MAN1A2: variants seen among roughly 807,000 people sequenced by gnomAD.
MAN1A2 encodes mannosyl-oligosaccharide 1,2-alpha-mannosidase IB.
Under a neutral mutation model 75.7 loss-of-function variants are expected in MAN1A2, and 26 were observed. The observed-to-expected ratio is 0.34, with a 90% CI of 0.25 to 0.48. The LOEUF is 0.48. MAN1A2 is among the 20% of genes least tolerant of loss of function. The probability of loss-of-function intolerance (pLI) is 0.99; values close to 1 mark genes in which losing one functional copy is unlikely to be tolerated. For synonymous variants in MAN1A2, 247 were observed against 264.6 expected (o/e 0.93, Z 0.65); for missense variants, 562 against 775.5 (o/e 0.72, Z 3.27).
chr1:117,463,518 TACAC>T (rs10560421), intron 7 of MAN1A2, among the ~76,000 whole-genome samples: 7 of 150,240 alleles, frequency 4.7e-5, no homozygotes, highest in Non-Finnish European at 5.9e-5. Context: ...AACACACACA[TACAC>T]ACACACACAC....
intron 5 of MAN1A2, among the ~76,000 whole-genome samples, chr1:117,429,801 C>CG (rs1648541064): frequency 1.2e-5 from 1 of 86,510 alleles, no homozygotes; most frequent in Non-Finnish European, 2.4e-5. Context: ...GCTGGCCGGG[C>CG]GGGGGGCCGA....
intron 6 of MAN1A2, among the ~76,000 whole-genome samples, chr1:117,458,523 A>ATTTTTTT (rs5777311): frequency 1.1e-4 from 12 of 105,612 alleles, no homozygotes; most frequent in African/African-American, 2.8e-4. Flanking sequence ...ATATATATAT[A>ATTTTTTT]TTTTTTTTTT....
At chr1:117,391,511 T>C (rs773553935) in intron 1 of MAN1A2, among the ~76,000 whole-genome samples, 1 of 152,222 alleles carries the variant, frequency 6.6e-6, no homozygotes, top group Non-Finnish European at 1.5e-5. Flanking sequence ...TCTTGACATA[T>C]TGACCTCATT....
chr1:117,528,461 A>T lies in MAN1A2; in HGVS notation c.*5504A>T, dbSNP rs938744286. On this transcript the variant is annotated 3_prime_UTR_variant, in exon 13 of 13. Transcript: ENST00000356554. ...GGATCAAACACACACACCTATACAC[A>T]TACATATTAATATGCAGAGGATTTT... The T allele has an allele frequency of 4.6e-5, 7 of 152,098 alleles. No individual in the cohort carries two copies. Among genetic ancestry groups the T allele is most frequent in the Non-Finnish European group, 1.0e-4 (7 of 67,990 alleles). The allele number at this position is 152,098 out of a possible 1,614,324, so 9.4% of individuals were successfully genotyped here.
chr1:117,488,820 T>C (rs892327413), intron 8 of MAN1A2, among the ~76,000 whole-genome samples: 2 of 152,154 alleles, frequency 1.3e-5, no homozygotes, highest in African/African-American at 4.8e-5. Flanking sequence ...CATTTATTAC[T>C]TTCTACAACG....
Position 117,420,602 on chromosome 1 carries a change from C to T in MAN1A2, c.808C>T (p.Arg270Ter). Residue 270 changes from arginine (R) to a stop codon, truncating the protein, a stop_gained, in exon 5 of 13, where the codon CGA becomes TGA. Transcript: ENST00000356554. LOFTEE classifies it high-confidence loss of function. ...SEVSVFEVNI[R>*]FIGGLLAAYY... is the part of the protein sequence containing the mutation. ...GGTGTCTGTGTTTGAAGTCAACATT[C>T]GATTTATTGGAGGCCTACTTGCAGC... 3 of 1,612,712 alleles carry T rather than the reference C, an allele frequency of 1.9e-6. No individual in the cohort carries two copies. The highest frequency in any genetic ancestry group is 2.5e-6 in the Non-Finnish European group (3 of 1,179,124).
rs2101039951 is a variant in MAN1A2 at position 117,527,719 on chromosome 1, C to A, written c.*4762C>A. The A allele has an allele frequency of 6.6e-6, 1 of 152,000 alleles. No individual in the cohort carries two copies. The highest frequency in any genetic ancestry group is 1.9e-4 in the East Asian group (1 of 5,186). 9.4% of individuals were successfully genotyped at this position (152,000 alleles called of 1,614,324 possible). On this transcript the variant is annotated 3_prime_UTR_variant, in exon 13 of 13. Coordinates refer to ENST00000356554, the MANE Select transcript of MAN1A2 (RefSeq NM_006699.5). The stretch of plus-strand genomic sequence containing the variant: ...GTCAAAATAATATACTCTCCAAGTT[C>A]TCCTGCTCATTGACCCTTGAACCAG...
rs113431757 is a variant in MAN1A2 at position 117,473,070 on chromosome 1, T to C, written c.1168+6643T>C. Among the ~76,000 whole-genome samples the C allele has an allele frequency of 7.3e-3, 1,113 of 152,116 alleles. 19 individuals are homozygous for C. The highest frequency in any genetic ancestry group is 0.024 in the African/African-American group (1,013 of 41,532). On this transcript the variant is annotated intron_variant, in intron 8 of 12. Transcript: ENST00000356554. ...TGGCCTCTGTACTCATATATCCAAT[T>C]ATCTACTTGACATTTTTACTTAAAT...
At chr1:117,482,339 G>A (rs1650524453) in intron 8 of MAN1A2, among the ~76,000 whole-genome samples, 1 of 152,030 alleles carries the variant, frequency 6.6e-6, no homozygotes, top group Non-Finnish European at 1.5e-5. Context: ...CACCAACAGT[G>A]TAAAAGTGTT....
intron 1 of MAN1A2, among the ~76,000 whole-genome samples, chr1:117,368,731 A>G (rs1475940570): frequency 1.3e-5 from 2 of 152,130 alleles, no homozygotes; most frequent in East Asian, 3.9e-4. Flanking sequence ...TCGGTTTTAT[A>G]TAAGAAAAAC....
chr1:117,391,659 A>T (rs1653723882), intron 1 of MAN1A2, among the ~76,000 whole-genome samples: 1 of 152,340 alleles, frequency 6.6e-6, no homozygotes, highest in East Asian at 1.9e-4. Context: ...GGTGGGAGCT[A>T]TGCCTCCTGT....
intron 7 of MAN1A2, among the ~76,000 whole-genome samples, chr1:117,465,954 C>T (rs1336725856): frequency 6.6e-6 from 1 of 151,948 alleles, no homozygotes; most frequent in Non-Finnish European, 1.5e-5. Flanking sequence ...GATTCAATTC[C>T]TGTGAAGTTA....
In MAN1A2 at chr1:117,402,308, A is replaced by G. The variant is rs577343122; in HGVS notation, c.425A>G (p.Asn142Ser). The G allele has an allele frequency of 1.9e-6, 3 of 1,613,876 alleles. No homozygotes were observed. In the South Asian group the frequency reaches 3.3e-5, roughly 18 times the overall value. Residue 142 changes from asparagine (N) to serine (S), a missense_variant, in exon 2 of 13, where the codon AAT (asparagine) becomes AGT (serine). Physicochemically the swap from Asn to Ser is conservative, Grantham distance 46. Transcript: ENST00000356554. Reference sequence around the variant, plus strand: ...CGAGCAGAAATTCAGACAGAGAAAAATAAGGTAGTCCAAGAAATGAAGATA... The same window carrying G: ...CGAGCAGAAATTCAGACAGAGAAAAGTAAGGTAGTCCAAGAAATGAAGATA... ...EIRAEIQTEK[N>S]KVVQEMKIKE...
In MAN1A2 at chr1:117,487,272, A is replaced by G. The variant is rs142555678; in HGVS notation, c.1169-5875A>G. On this transcript the variant is annotated intron_variant, in intron 8 of 12. Transcript: ENST00000356554. ...TAGGACTGAAGAAGCAATAGGCATA[A>G]CTCTGGAAAGCAAGAAAAGAGAAGT... Among the ~76,000 whole-genome samples, 50 of 152,124 alleles carry G rather than the reference A, an allele frequency of 3.3e-4. 1 individual carries two copies. In the East Asian group the frequency reaches 6.6e-3, roughly 20 times the overall value.
At chr1:117,491,386 A>G (rs1297506280) in intron 8 of MAN1A2, among the ~76,000 whole-genome samples, 1 of 152,106 alleles carries the variant, frequency 6.6e-6, no homozygotes, top group Non-Finnish European at 1.5e-5. Context: ...AAATGGAACA[A>G]CAAAGTTCAG....
chr1:117,408,151 G>A (rs1471689156), intron 3 of MAN1A2, among the ~76,000 whole-genome samples: 1 of 152,094 alleles, frequency 6.6e-6, no homozygotes. Context: ...TGGGTGCAGT[G>A]GCACATAGTC....
chr1:117,448,955 C>T (rs1007572156), intron 6 of MAN1A2, among the ~76,000 whole-genome samples: 1 of 152,084 alleles, frequency 6.6e-6, no homozygotes, highest in Admixed American at 6.6e-5. Flanking sequence ...CAGCATATAT[C>T]ACATTTTGAT....
chr1:117,373,392 A>G (rs954294689), intron 1 of MAN1A2, among the ~76,000 whole-genome samples: 1 of 149,148 alleles, frequency 6.7e-6, no homozygotes, highest in Non-Finnish European at 1.5e-5. Flanking sequence ...TATTTTTCCC[A>G]CTTCCCTTTA....
chr1:117,473,002 C>G (rs528619921), intron 8 of MAN1A2, among the ~76,000 whole-genome samples: 1 of 152,084 alleles, frequency 6.6e-6, no homozygotes, highest in African/African-American at 2.4e-5. Context: ...CATTTACATG[C>G]TGGCATCTCT....
Sources: allele counts gnomAD v4.1 joint callset (sites outside exome capture counted in the v4.1 genomes callset), GRCh38; gene constraint gnomAD v4.1.1; transcripts MANE v1.5; gene names NCBI Gene and HGNC (gene_info 2026-07-23, HGNC 2026-07-21).